The following EML6 variants were observed in gnomAD, a reference collection of about 807,000 sequenced individuals.
The protein encoded by EML6 is echinoderm microtubule-associated protein-like 6.
In EML6, 154 loss-of-function variants were observed where a neutral mutation model predicts 240.1. The ratio of observed to expected loss-of-function variants is 0.64; its 90% CI spans 0.56 to 0.73. EML6 has a LOEUF of 0.73. Among genes scored for constraint, EML6 ranks in the 30% least tolerant of loss-of-function variants. The pLI, the probability that EML6 is intolerant of heterozygous loss-of-function variation, is 0.00. For synonymous variants in EML6, 1,148 were observed against 899.0 expected, an observed-to-expected ratio of 1.28 and a Z score of -4.95; for missense variants, 2,964 against 2,474.6, an observed-to-expected ratio of 1.20 and a Z score of -4.20.
At chr2:54,893,011 G>C (rs181339986) in intron 19 of EML6, among the ~76,000 whole-genome samples, 1 of 152,278 alleles carries the variant, frequency 6.6e-6, no homozygotes, top group Non-Finnish European at 1.5e-5. Flanking sequence ...ACAATGGGCA[G>C]AGACCTGAAA....
intron 7 of EML6, among the ~76,000 whole-genome samples, chr2:54,841,550 GTCCCAGCA>G (rs936256016): frequency 2.1e-4 from 31 of 147,802 alleles, no homozygotes; most frequent in Non-Finnish European, 5.9e-5. Context: ...CCCTTCTGTT[GTCCCAGCA>G]TCCCAGCTGG....
At chr2:54,752,973 G>A (rs996084414) in intron 2 of EML6, among the ~76,000 whole-genome samples, 3 of 152,158 alleles carry the variant, frequency 2.0e-5, no homozygotes, top group African/African-American at 7.2e-5. Flanking sequence ...ATTTTTAGTA[G>A]AGGCGGGGTT....
At chr2:54,950,183 G>C (rs190672755) in intron 29 of EML6, among the ~76,000 whole-genome samples, 1 of 152,202 alleles carries the variant, frequency 6.6e-6, no homozygotes, top group Admixed American at 6.5e-5. Context: ...CAACTTTGTA[G>C]AGCAAGCACC....
intron 25 of EML6, among the ~76,000 whole-genome samples, chr2:54,913,020 C>T (rs997754731): frequency 2.0e-5 from 3 of 151,524 alleles, no homozygotes; most frequent in Non-Finnish European, 4.4e-5. Flanking sequence ...ATTTACATTC[C>T]CACCAACAGT....
intron 2 of EML6, among the ~76,000 whole-genome samples, chr2:54,751,765 C>G (rs1359784209): frequency 6.6e-6 from 1 of 152,148 alleles, no homozygotes; most frequent in African/African-American, 2.4e-5. Context: ...GTTTGTTATG[C>G]TGAATATATA....
chr2:54,952,610 T>C lies in EML6; in HGVS notation c.4230T>C (p.Tyr1410=). 1 of 1,551,112 alleles carries C rather than the reference T, an allele frequency of 6.4e-7. No homozygotes were observed. The highest frequency in any genetic ancestry group is 8.7e-7 in the Non-Finnish European group (1 of 1,146,728). Residue 1410 remains tyrosine, a synonymous_variant, in exon 31 of 42, where the codon TAT becomes TAC. Coordinates refer to ENST00000356458, the MANE Select transcript of EML6 (RefSeq NM_001039753.4). The stretch of plus-strand genomic sequence containing the variant: ...CTCCCCCAGGGAGCCAGAGCTTCTA[T>C]CTGGAGCACACAGATGACATCCTCT... ...QNLSTGSQSF[Y]LEHTDDILCL...
intron 5 of EML6, 121 bp downstream of exon 5, chr2:54,820,583 C>T (rs1668286812): frequency 1.7e-6 from 1 of 578,754 alleles, no homozygotes; most frequent in Non-Finnish European, 3.0e-6. Context: ...ATATAGAGCC[C>T]TCTTACCTGT....
intron 2 of EML6, among the ~76,000 whole-genome samples, chr2:54,784,659 A>G (rs1389600911): frequency 5.3e-5 from 8 of 152,100 alleles, no homozygotes; most frequent in Admixed American, 5.2e-4. Context: ...CCATTAACAC[A>G]TATTTTCTAT....
chr2:54,903,579 A>T, intron 24 of EML6, 77 bp downstream of exon 24: 57 of 932,274 alleles, frequency 6.1e-5, no homozygotes, highest in East Asian at 1.4e-4. Context: ...TCTAGAGAGA[A>T]TGGCAGTTGA....
intron 14 of EML6, 71 bp from the exon 15 acceptor site, chr2:54,869,110 C>A: frequency 9.7e-7 from 1 of 1,030,270 alleles, no homozygotes; most frequent in Admixed American, 2.2e-5. Flanking sequence ...TTAGCCTTGC[C>A]TCTGACACCT....
intron 2 of EML6, among the ~76,000 whole-genome samples, chr2:54,772,473 T>G (rs927437170): frequency 6.6e-6 from 1 of 152,212 alleles, no homozygotes; most frequent in African/African-American, 2.4e-5. Flanking sequence ...TACTATGGAA[T>G]TAATTCGATT....
intron 26 of EML6, among the ~76,000 whole-genome samples, chr2:54,927,277 G>C (rs373700773): frequency 1.3e-5 from 2 of 152,174 alleles, no homozygotes; most frequent in African/African-American, 4.8e-5. Flanking sequence ...TTGACTAGGA[G>C]TATTACAAAG....
intron 28 of EML6, among the ~76,000 whole-genome samples, chr2:54,936,399 G>A (rs1254848814): frequency 6.6e-6 from 1 of 152,170 alleles, no homozygotes; most frequent in Admixed American, 6.5e-5. Flanking sequence ...ATAGGTGGAT[G>A]TCCTCATTTC....
intron 2 of EML6, among the ~76,000 whole-genome samples, chr2:54,757,411 G>A (rs1813272): frequency 0.47 from 71,905 of 151,902 alleles, 17,747 homozygotes; most frequent in African/African-American, 0.61. Context: ...CAGGATGGAG[G>A]GGCATTTTCT....
intron 28 of EML6, among the ~76,000 whole-genome samples, chr2:54,932,145 C>T (rs1037465800): frequency 1.3e-5 from 2 of 152,192 alleles, no homozygotes; most frequent in African/African-American, 4.8e-5. Context: ...AAGAAATTTA[C>T]AGTTGGTCTC....
intron 2 of EML6, among the ~76,000 whole-genome samples, chr2:54,744,955 CACACA>C (rs1558521065): frequency 1.3e-4 from 14 of 107,340 alleles, no homozygotes; most frequent in South Asian, 6.8e-4. Flanking sequence ...CACACACACA[CACACA>C]CACCCTGCCA....
chr2:54,921,989 A>AT (rs1271920793), intron 26 of EML6, among the ~76,000 whole-genome samples: 2 of 152,202 alleles, frequency 1.3e-5, no homozygotes, highest in Admixed American at 1.3e-4. Context: ...GAAAATATAA[A>AT]GAGCTCCTTG....
chr2:54,766,470 A>G (rs1034452341), intron 2 of EML6, among the ~76,000 whole-genome samples: 1 of 152,164 alleles, frequency 6.6e-6, no homozygotes, highest in Non-Finnish European at 1.5e-5. Context: ...TTGTTTATAT[A>G]ATTTTGGCAG....
intron 24 of EML6, among the ~76,000 whole-genome samples, chr2:54,905,379 A>ACAC (rs1558670764): frequency 3.8e-5 from 5 of 130,596 alleles, no homozygotes; most frequent in South Asian, 2.5e-4. Flanking sequence ...CACACACACA[A>ACAC]AATACCTGAT....
Sources: gnomAD v4.1 joint callset for allele counts (sites outside exome capture counted in the v4.1 genomes callset) on GRCh38, gnomAD v4.1.1 for gene constraint, MANE v1.5 for transcripts, NCBI Gene and HGNC (gene_info 2026-07-23, HGNC 2026-07-21) for gene names.